Variants in CTNNA3 observed in about 807,000 individuals in gnomAD.
CTNNA3 encodes the protein catenin alpha-3.
CTNNA3 carries 76 observed loss-of-function variants against 95.7 expected under a neutral mutation model. The ratio of observed to expected loss-of-function variants is 0.79; its 90% CI spans 0.66 to 0.96. The LOEUF (loss-of-function observed/expected upper bound fraction) is 0.96, where lower values mean the gene tolerates loss of function less well. Ranked by LOEUF, CTNNA3 falls within the 40% of genes least tolerant of loss-of-function variation. CTNNA3 has a pLI of 0.00. For missense variants in CTNNA3, 1,191 were observed against 1,089.8 expected (o/e 1.09, Z -1.31); for synonymous variants, 431 against 374.4 (o/e 1.15, Z -1.74).
chr10:67,718,658 C>T (rs1227066490), intron 1 of CTNNA3, among the ~76,000 whole-genome samples: 1 of 152,084 alleles, frequency 6.6e-6, no homozygotes, highest in Non-Finnish European at 1.5e-5. Flanking sequence ...GGATGAAGCC[C>T]ACTTGATTGT....
At chr10:65,928,408 T>C (rs1221143256) in intron 17 of CTNNA3, among the ~76,000 whole-genome samples, 1 of 152,320 alleles carries the variant, frequency 6.6e-6, no homozygotes, top group East Asian at 1.9e-4. Context: ...ATACTAAGAC[T>C]AGATTGGATC....
intron 10 of CTNNA3, among the ~76,000 whole-genome samples, chr10:66,593,150 T>C (rs2132234172): frequency 6.6e-6 from 1 of 152,280 alleles, no homozygotes; most frequent in East Asian, 1.9e-4. Context: ...TGTAAGAATT[T>C]ATTAGAAAAG....
intron 2 of CTNNA3, among the ~76,000 whole-genome samples, chr10:67,640,860 A>T (rs889596725): frequency 2.0e-5 from 3 of 152,074 alleles, no homozygotes; most frequent in South Asian, 2.1e-4. Context: ...TAATTCAAGA[A>T]GGATTAAAGA....
chr10:67,219,916 G>C (rs752068896), intron 5 of CTNNA3, 46 bp from the exon 6 acceptor site: 40 of 1,441,752 alleles, frequency 2.8e-5, no homozygotes, highest in Non-Finnish European at 3.6e-5. Context: ...TGGGTTATGG[G>C]AGAAAGACTT....
intron 11 of CTNNA3, among the ~76,000 whole-genome samples, chr10:66,472,573 C>G (rs1338753172): frequency 6.6e-6 from 1 of 151,764 alleles, no homozygotes; most frequent in Non-Finnish European, 1.5e-5. Context: ...ATTAAGTTTT[C>G]TTATAAAAAT....
At chr10:67,267,533 T>G (rs1434518711) in intron 5 of CTNNA3, among the ~76,000 whole-genome samples, 2 of 151,982 alleles carry the variant, frequency 1.3e-5, no homozygotes, top group Non-Finnish European at 2.9e-5. Flanking sequence ...CCTGGCTAAT[T>G]TTTTTGTATT....
intron 17 of CTNNA3, among the ~76,000 whole-genome samples, chr10:65,952,933 A>T (rs1005810743): frequency 2.6e-5 from 4 of 152,242 alleles, no homozygotes; most frequent in Non-Finnish European, 5.9e-5. Flanking sequence ...ACATTAAAAG[A>T]AATCCACAGA....
At chr10:67,153,346 G>A (rs1019624804) in intron 7 of CTNNA3, among the ~76,000 whole-genome samples, 1 of 152,152 alleles carries the variant, frequency 6.6e-6, no homozygotes, top group East Asian at 1.9e-4. Context: ...TTGGTCAAAG[G>A]TGGGGGCCTT....
chr10:66,780,397 A>T (rs919063702), intron 7 of CTNNA3, among the ~76,000 whole-genome samples: 1 of 85,440 alleles, frequency 1.2e-5, no homozygotes, highest in Non-Finnish European at 2.6e-5. Flanking sequence ...AGACTTAAGG[A>T]CTCTATAATA....
chr10:66,997,072 C>T (rs1043723388), intron 7 of CTNNA3, among the ~76,000 whole-genome samples: 4 of 152,114 alleles, frequency 2.6e-5, no homozygotes, highest in African/African-American at 9.7e-5. Flanking sequence ...TCAAACAGTT[C>T]CCAAAACTTT....
intron 5 of CTNNA3, among the ~76,000 whole-genome samples, chr10:67,409,583 TA>T (rs1274603642): frequency 6.6e-6 from 1 of 151,366 alleles, no homozygotes; most frequent in Admixed American, 6.6e-5. Context: ...TGGAGGCTGT[TA>T]GGGGTGGAGG....
rs1294157611 is a variant in CTNNA3, at chr10:66,621,040, C to T, written c.1374+652G>A. Among the ~76,000 whole-genome samples, 4 of 152,004 alleles carry T rather than the reference C, an allele frequency of 2.6e-5. No homozygotes were observed. In the South Asian group the frequency reaches 6.2e-4, roughly 24 times the overall value. On this transcript the variant is annotated intron_variant, in intron 10 of 17. Coordinates refer to ENST00000433211, the MANE Select transcript of CTNNA3 (RefSeq NM_013266.4). ...AACCATTTGTCATGTAGAAATAATTCCCTAAAAGTGTGTCACTCTTCAGAT... is the reference window on the plus strand; with the variant it reads ...AACCATTTGTCATGTAGAAATAATTTCCTAAAAGTGTGTCACTCTTCAGAT...
At chr10:67,416,703 C>T (rs1325275927) in intron 5 of CTNNA3, among the ~76,000 whole-genome samples, 1 of 148,926 alleles carries the variant, frequency 6.7e-6, no homozygotes, top group Non-Finnish European at 1.5e-5. Flanking sequence ...TGAAAAAATA[C>T]TCCACATCAC....
intron 7 of CTNNA3, among the ~76,000 whole-genome samples, chr10:66,891,122 G>C (rs1054298607): frequency 2.0e-5 from 3 of 152,174 alleles, no homozygotes; most frequent in Non-Finnish European, 4.4e-5. Flanking sequence ...ATTCTGGTAA[G>C]CTATTTACCC....
chr10:65,960,705 T>C (rs1276734388), intron 17 of CTNNA3, among the ~76,000 whole-genome samples: 44 of 152,204 alleles, frequency 2.9e-4, no homozygotes, highest in Non-Finnish European at 2.9e-5. Context: ...CAGTATCTAC[T>C]GTTCCCATCT....
At chr10:67,570,053 A>G (rs1841932201) in intron 3 of CTNNA3, among the ~76,000 whole-genome samples, 2 of 151,914 alleles carry the variant, frequency 1.3e-5, no homozygotes, top group South Asian at 4.1e-4. Flanking sequence ...CTCTTTTCTT[A>G]AACTCCTAAT....
intron 5 of CTNNA3, among the ~76,000 whole-genome samples, chr10:67,417,962 C>T (rs186776957): frequency 5.5e-4 from 83 of 152,156 alleles, no homozygotes; most frequent in African/African-American, 1.8e-3. Context: ...CCCAAATGTC[C>T]ATCAACTGGT....
intron 7 of CTNNA3, among the ~76,000 whole-genome samples, chr10:67,072,461 A>C (rs979103150): frequency 4.6e-5 from 7 of 152,166 alleles, no homozygotes; most frequent in African/African-American, 1.7e-4. Context: ...GTATGATAGA[A>C]ATTAGTTAAA....
intron 7 of CTNNA3, among the ~76,000 whole-genome samples, chr10:67,109,863 A>T (rs1858827227): frequency 6.6e-6 from 1 of 152,174 alleles, no homozygotes; most frequent in African/African-American, 2.4e-5. Flanking sequence ...GAAAAAGAAA[A>T]TGAATATATT....
Sources: allele counts gnomAD v4.1 joint callset (sites outside exome capture counted in the v4.1 genomes callset), GRCh38; gene constraint gnomAD v4.1.1; transcripts MANE v1.5; gene names NCBI Gene and HGNC (gene_info 2026-07-23, HGNC 2026-07-21).